Variants in KANK1 observed in about 807,000 individuals in gnomAD.
KANK1 encodes the protein KN motif and ankyrin repeat domain-containing protein 1.
A neutral mutation model predicts 106.2 loss-of-function variants in KANK1; 109 were observed. The observed-to-expected ratio is 1.03, with a 90% confidence interval of 0.88 to 1.20. The LOEUF (loss-of-function observed/expected upper bound fraction) is 1.20, where lower values mean the gene tolerates loss of function less well. Ranked by LOEUF, KANK1 falls within the 50% of genes most tolerant of loss-of-function variation. KANK1 has a pLI of 0.00. For missense variants in KANK1, 2,399 were observed against 1,710.7 expected (o/e 1.40, Z -7.10); for synonymous variants, 873 against 652.2 (o/e 1.34, Z -5.16).
chr9:741,791 C>CTT (rs921214563), intron 9 of KANK1, among the ~76,000 whole-genome samples: 1 of 151,594 alleles, frequency 6.6e-6, no homozygotes, highest in African/African-American at 2.4e-5. Flanking sequence ...CAGCCCCTGG[C>CTT]TTTTTTTTAA....
intron 1 of KANK1, among the ~76,000 whole-genome samples, chr9:541,896 T>C (rs968378245): frequency 5.3e-5 from 8 of 151,574 alleles, no homozygotes; most frequent in African/African-American, 1.2e-4. Flanking sequence ...GAGACCATCC[T>C]GGCTAACACG....
intron 1 of KANK1, among the ~76,000 whole-genome samples, chr9:672,446 T>A (rs1325012100): frequency 6.6e-6 from 1 of 152,226 alleles, no homozygotes. Flanking sequence ...TAGTGACATC[T>A]TTTTTATTAG....
In KANK1 at chr9:711,532, A is replaced by G. The variant is rs1356447880; in HGVS notation, c.766A>G (p.Ser256Gly). The G allele has an allele frequency of 1.2e-6, 2 of 1,613,678 alleles. No homozygotes were observed. The highest frequency in any genetic ancestry group is 2.7e-5 in the African/African-American group (2 of 74,912). ...SGISTPVTNV[S>G]PMHLQHIREQ... ...GATCTCCACCCCAGTGACCAACGTGAGCCCCATGCACCTGCAGCACATCCG... is the reference window on the plus strand; with the variant it reads ...GATCTCCACCCCAGTGACCAACGTGGGCCCCATGCACCTGCAGCACATCCG... Residue 256 changes from serine (S) to glycine (G), a missense_variant, in exon 3 of 12, where the codon AGC (serine) becomes GGC (glycine). Ser to Gly is a moderately conservative substitution (Grantham distance 56). Coordinates refer to ENST00000382297, the MANE Select transcript of KANK1 (RefSeq NM_015158.5).
chr9:561,116 T>G (rs1223377719), intron 1 of KANK1, among the ~76,000 whole-genome samples: 1 of 152,170 alleles, frequency 6.6e-6, no homozygotes, highest in Non-Finnish European at 1.5e-5. Context: ...GACTAGAAAC[T>G]ATGCCCTACC....
At chr9:541,083 G>A (rs144209510) in intron 1 of KANK1, among the ~76,000 whole-genome samples, 1 of 151,752 alleles carries the variant, frequency 6.6e-6, no homozygotes, top group African/African-American at 2.4e-5. Context: ...TTGTAGTGCT[G>A]CTTTTGCTGC....
chr9:503,001 A>ATTT (rs35195436), upstream of KANK1, among the ~76,000 whole-genome samples: 18 of 70,232 alleles, frequency 2.6e-4, no homozygotes, highest in African/African-American at 6.6e-4. Flanking sequence ...CGCCCAGCTG[A>ATTT]TTTTTTTTTT....
intron 1 of KANK1, among the ~76,000 whole-genome samples, chr9:605,681 C>G (rs769999648): frequency 5.3e-5 from 8 of 151,664 alleles, no homozygotes; most frequent in Non-Finnish European, 1.0e-4. Context: ...TAGCAAAATT[C>G]TGGGTTTTAA....
In KANK1 at chr9:522,530, T is replaced by G. The variant is rs141664187; in HGVS notation, c.-84+17776T>G. Among the ~76,000 whole-genome samples the G allele has an allele frequency of 4.6e-5, 7 of 151,806 alleles. 1 individual carries two copies. Among genetic ancestry groups the G allele is most frequent in the African/African-American group, 1.5e-4 (6 of 41,106 alleles). On this transcript the variant is annotated intron_variant, in intron 1 of 11. Coordinates refer to ENST00000382297, the MANE Select transcript of KANK1 (RefSeq NM_015158.5). Reference sequence around the variant, plus strand: ...CTGAGACTTGGAGAAAGGCATTCTTTTTGAGCCCTTTTGCTCATGAGGAAG... The same window carrying G: ...CTGAGACTTGGAGAAAGGCATTCTTGTTGAGCCCTTTTGCTCATGAGGAAG...
chr9:509,026 G>A (rs1189483669), intron 1 of KANK1, among the ~76,000 whole-genome samples: 2 of 152,208 alleles, frequency 1.3e-5, no homozygotes, highest in Non-Finnish European at 2.9e-5. Context: ...GTGTGAGAGA[G>A]TTCTGTTGTG....
At chr9:483,673 A>G (rs2058245194) in intron 3 of KANK1, among the ~76,000 whole-genome samples, 1 of 152,192 alleles carries the variant, frequency 6.6e-6, no homozygotes, top group Admixed American at 6.5e-5. Context: ...AATGAAATGG[A>G]AGTTTATAGT....
chr9:702,762 A>G (rs904902075), intron 2 of KANK1, among the ~76,000 whole-genome samples: 12 of 152,204 alleles, frequency 7.9e-5, no homozygotes, highest in Admixed American at 7.2e-4. Flanking sequence ...GCCCTGCTCC[A>G]GGATGTGAGA....
chr9:557,436 A>T (rs1044048800), intron 1 of KANK1, among the ~76,000 whole-genome samples: 11 of 152,200 alleles, frequency 7.2e-5, no homozygotes, highest in Non-Finnish European at 1.6e-4. Flanking sequence ...AGGTTTAAAA[A>T]TTTAGAACAA....
rs1002937620 is a variant in KANK1, at chr9:732,583, G to GA, written c.3213dup (p.Cys1072MetfsTer2). 1 of 1,614,054 alleles carries GA rather than the reference G, an allele frequency of 6.2e-7. No individual in the cohort carries two copies. Among genetic ancestry groups the GA allele is most frequent in the African/African-American group, 1.3e-5 (1 of 74,932 alleles). ...GGTGGAAGATGAAATGCAGGTTCAA[G>GA]AATGTGAACCTGAGAAGGTGGAAAT... On this transcript the variant is annotated frameshift_variant, in exon 6 of 12. Transcript: ENST00000382297. LOFTEE classifies it high-confidence loss of function.
chr9:575,339 A>AT, intron 1 of KANK1, among the ~76,000 whole-genome samples: 1 of 152,280 alleles, frequency 6.6e-6, no homozygotes, highest in Admixed American at 6.5e-5. Context: ...AAAAGCCACT[A>AT]TTCTTAGTAC....
intron 2 of KANK1, among the ~76,000 whole-genome samples, chr9:679,586 T>G (rs1005303828): frequency 6.6e-6 from 1 of 152,158 alleles, no homozygotes; most frequent in Admixed American, 6.5e-5. Context: ...GGCCAATTTT[T>G]GTATTTTTAG....
Position 594,055 on chromosome 9 carries a change from C to T in KANK1, c.-83-82835C>T, listed in dbSNP as rs549615848. ...CCCTGGGGTCTGATCTATGGTGCTG[C>T]GCTCGAGAGAACTGTAAGGTCTGCT... On this transcript the variant is annotated intron_variant, in intron 1 of 11. Coordinates refer to ENST00000382297, the MANE Select transcript of KANK1 (RefSeq NM_015158.5). Among the ~76,000 whole-genome samples, 293 of 151,914 alleles carry T rather than the reference C, an allele frequency of 1.9e-3. 3 individuals are homozygous for T. The highest frequency in any genetic ancestry group is 3.3e-3 in the Non-Finnish European group (224 of 68,022).
intron 1 of KANK1, among the ~76,000 whole-genome samples, chr9:653,340 A>G (rs921538165): frequency 2.0e-5 from 3 of 152,024 alleles, no homozygotes; most frequent in African/African-American, 7.3e-5. Context: ...CTTGTCTCCA[A>G]GCTCTGCTCT....
chr9:744,605 T>A lies in KANK1; in HGVS notation c.3996+16T>A. 1.1e-5 allele frequency: 18 copies of A among 1,614,094 alleles called. No homozygotes were observed. The highest frequency in any genetic ancestry group is 1.5e-5 in the Non-Finnish European group (18 of 1,179,996). On this transcript the variant is annotated intron_variant, in intron 11 of 11. Coordinates refer to ENST00000382297, the MANE Select transcript of KANK1 (RefSeq NM_015158.5). Reference sequence around the variant, plus strand: ...CCAGTCTCCGGTCAGTGTTGTGCATTTGGCATTTGTAAATAGGCTGAAATC... The same window carrying A: ...CCAGTCTCCGGTCAGTGTTGTGCATATGGCATTTGTAAATAGGCTGAAATC...
At chr9:631,287 A>T (rs1252877316) in intron 1 of KANK1, among the ~76,000 whole-genome samples, 1 of 152,200 alleles carries the variant, frequency 6.6e-6, no homozygotes, top group African/African-American at 2.4e-5. Context: ...ACGGAAAAAG[A>T]AATGCTGTGC....
Sources: allele counts gnomAD v4.1 joint callset (sites outside exome capture counted in the v4.1 genomes callset), GRCh38; gene constraint gnomAD v4.1.1; transcripts MANE v1.5; gene names NCBI Gene and HGNC (gene_info 2026-07-23, HGNC 2026-07-21).